ALPK3: variants seen among roughly 807,000 people sequenced by gnomAD.
ALPK3 encodes the protein alpha kinase 3.
In ALPK3, 102 loss-of-function variants were observed where a neutral mutation model predicts 140.0. The ratio of observed to expected loss-of-function variants is 0.73; its 90% CI spans 0.62 to 0.86. ALPK3 has a LOEUF of 0.86. Among genes scored for constraint, ALPK3 ranks in the 40% least tolerant of loss-of-function variants. The pLI, the probability that ALPK3 is intolerant of heterozygous loss-of-function variation, is 0.00. For missense variants in ALPK3, 2,254 were observed against 2,208.2 expected, an observed-to-expected ratio of 1.02 and a Z score of -0.42; for synonymous variants, 938 against 898.5, an observed-to-expected ratio of 1.04 and a Z score of -0.79.
intron 5 of ALPK3, among the ~76,000 whole-genome samples, chr15:84,846,015 C>T (rs925123825): frequency 2.6e-5 from 4 of 152,140 alleles, no homozygotes; most frequent in African/African-American, 9.7e-5. Flanking sequence ...TTGCAGTGAG[C>T]TGAGATCATG....
intron 12 of ALPK3, among the ~76,000 whole-genome samples, chr15:84,865,385 A>G (rs1963991416): frequency 1.3e-5 from 2 of 152,280 alleles, no homozygotes; most frequent in South Asian, 4.2e-4. Flanking sequence ...GACCAGAGAT[A>G]TAAAACGGAC....
chr15:84,818,148 A>G (rs547053907), intron 1 of ALPK3, among the ~76,000 whole-genome samples: 3 of 151,680 alleles, frequency 2.0e-5, no homozygotes, highest in Admixed American at 2.0e-4. Context: ...GGGGCTGGTG[A>G]GATAGGGGGT....
intron 5 of ALPK3, among the ~76,000 whole-genome samples, chr15:84,843,570 A>G (rs934379939): frequency 6.6e-6 from 1 of 152,182 alleles, no homozygotes; most frequent in African/African-American, 2.4e-5. Flanking sequence ...GTCTCACGGT[A>G]TTGAGTTACT....
chr15:84,868,188 G>A lies in ALPK3; in HGVS notation c.4850G>A (p.Cys1617Tyr). The A allele has an allele frequency of 6.2e-7, 1 of 1,614,154 alleles. No homozygotes were observed. The highest frequency in any genetic ancestry group is 8.5e-7 in the Non-Finnish European group (1 of 1,180,022). The change falls in exon 14 of 14, where the codon TGT becomes TAT. Residue 1617 changes from cysteine (C) to tyrosine (Y), a missense_variant. Physicochemically the swap from Cys to Tyr is radical, Grantham distance 194. This residue lies in a region of ALPK3 where 158 missense variants were observed against 159.8 expected (regional missense o/e 0.99). Coordinates refer to ENST00000258888, the MANE Select transcript of ALPK3 (RefSeq NM_020778.5). ...TCCTCCCACCAGTGCAATGCCTACT[G>A]TGAGCTGCTGGGGCTGACACCTCTC... ...FASSHQCNAY[C>Y]ELLGLTPLKG...
chr15:84,863,859 G>T (rs1026019080), intron 11 of ALPK3, among the ~76,000 whole-genome samples: 6 of 152,168 alleles, frequency 3.9e-5, no homozygotes, highest in Admixed American at 3.3e-4. Context: ...CTTGAGTCCC[G>T]CCCACCCCGG....
In ALPK3 at chr15:84,859,307, G is replaced by A. The variant is rs753497134; in HGVS notation, c.3882G>A (p.Leu1294=). The part of the protein sequence containing the change: ...QFPDASGSLK[L]WCQFFNILSD... ...CTGATGCCTCCGGTAGCCTGAAGCT[G>A]TGGTGCCAGTTTTTCAACATTCTTA... The change falls in exon 7 of 14, where the codon CTG becomes CTA. Residue 1294 remains leucine, a synonymous_variant. Transcript: ENST00000258888. 1.4e-5 allele frequency: 22 copies of A among 1,614,076 alleles called. No individual in the cohort carries two copies. In the East Asian group the frequency reaches 4.9e-4, roughly 36 times the overall value.
At chr15:84,854,393 T>A (rs1315691782) in intron 5 of ALPK3, among the ~76,000 whole-genome samples, 1 of 152,082 alleles carries the variant, frequency 6.6e-6, no homozygotes, top group African/African-American at 2.4e-5. Flanking sequence ...TTCAAGCGAT[T>A]CTCTTGCCTC....
chr15:84,866,422 T>A (rs1964004088), intron 12 of ALPK3, among the ~76,000 whole-genome samples: 1 of 152,220 alleles, frequency 6.6e-6, no homozygotes, highest in South Asian at 2.1e-4. Flanking sequence ...GTGGTAGAGC[T>A]GAAATGTAAA....
chr15:84,821,539 C>A (rs750720012), intron 1 of ALPK3, among the ~76,000 whole-genome samples: 1 of 152,176 alleles, frequency 6.6e-6, no homozygotes, highest in African/African-American at 2.4e-5. Flanking sequence ...GTTCTGCCCA[C>A]GCGGCCTCCA....
intron 5 of ALPK3, among the ~76,000 whole-genome samples, chr15:84,849,822 T>A (rs1963780790): frequency 6.6e-6 from 1 of 151,812 alleles, no homozygotes; most frequent in Non-Finnish European, 1.5e-5. Flanking sequence ...GAAATATCAA[T>A]AACCTAAGTT....
chr15:84,823,759 T>C (rs2141546371), intron 2 of ALPK3, among the ~76,000 whole-genome samples: 1 of 152,330 alleles, frequency 6.6e-6, no homozygotes, highest in East Asian at 1.9e-4. Flanking sequence ...CTCTGTCATG[T>C]TGCCCAGGCT....
At position 84,827,608 on chromosome 15, in the gene ALPK3, A is replaced by G; in HGVS notation, c.304+3A>G. ...CAGGTTCACCTGCATCGTCACAGGTAAGGATGCTGTCTGTATGCTCCATGC... is the reference window on the plus strand; with the variant it reads ...CAGGTTCACCTGCATCGTCACAGGTGAGGATGCTGTCTGTATGCTCCATGC... On this transcript the variant is annotated splice_donor_region_variant and intron_variant, in intron 3 of 13. Coordinates refer to ENST00000258888, the MANE Select transcript of ALPK3 (RefSeq NM_020778.5). 6.2e-7 allele frequency: 1 copy of G among 1,613,984 alleles called. No individual in the cohort carries two copies. The highest frequency in any genetic ancestry group is 8.5e-7 in the Non-Finnish European group (1 of 1,180,032).
rs1964075900 is a variant in ALPK3, at chr15:84,871,874, G to A, written c.*3418G>A. 1 of 152,268 alleles carries A rather than the reference G, an allele frequency of 6.6e-6. No homozygotes were observed. The highest frequency in any genetic ancestry group is 1.5e-5 in the Non-Finnish European group (1 of 68,058). The allele number at this position is 152,268 out of a possible 1,614,324, so 9.4% of individuals were successfully genotyped here. A position where few individuals can be genotyped will look rare whatever the true frequency, so the allele number is the denominator to read the frequency against. On this transcript the variant is annotated 3_prime_UTR_variant, in exon 14 of 14. Transcript: ENST00000258888. ...GCAGTATGTGAGGAGGTCACATGAT[G>A]TTTATGGCATTTGAGAATTCCATGG...
In ALPK3 at chr15:84,859,394, A is replaced by G; in HGVS notation, c.3965+4A>G. On this transcript the variant is annotated splice_donor_region_variant and intron_variant, in intron 7 of 13. Transcript: ENST00000258888. ...CAGTGGGCGAGGTGGGCAGGAGGTA[A>G]GCCAACGACACCACTGCCACCTGAC... 6.2e-7 allele frequency: 1 copy of G among 1,613,972 alleles called. No individual in the cohort carries two copies. Among genetic ancestry groups the G allele is most frequent in the South Asian group, 1.1e-5 (1 of 91,048 alleles).
intron 3 of ALPK3, 40 bp from the exon 4 acceptor site, chr15:84,838,940 A>T (rs766815653): frequency 6.3e-7 from 1 of 1,580,824 alleles, no homozygotes; most frequent in Non-Finnish European, 8.7e-7. Flanking sequence ...TTATTTTGGA[A>T]CTGGCCTTGC....
In ALPK3 at chr15:84,858,261, G is replaced by A; in HGVS notation, c.3523G>A (p.Ala1175Thr). The A allele has an allele frequency of 1.9e-6, 3 of 1,599,476 alleles. No homozygotes were observed. The highest frequency in any genetic ancestry group is 2.6e-6 in the Non-Finnish European group (3 of 1,173,162). ...GAGATTTCTCCCTAAGGTCAGAGCA[G>A]CAGGAGACGGGGAGGCAACCACACC... is the stretch of plus-strand genomic sequence containing the variant. ...RKRFLPKVRA[A>T]GDGEATTPEE... The change falls in exon 6 of 14, where the codon GCA (alanine) becomes ACA (threonine). Residue 1175 changes from alanine to threonine, a missense_variant. Around this residue, in one of 3 missense-constraint regions of ALPK3, gnomAD observed 2,088 missense variants for 2,022.9 expected, o/e 1.03. Transcript: ENST00000258888.
chr15:84,840,828 C>T lies in ALPK3; in HGVS notation c.1549C>T (p.Pro517Ser). 6.2e-7 allele frequency: 1 copy of T among 1,614,198 alleles called. No individual in the cohort carries two copies. The highest frequency in any genetic ancestry group is 8.5e-7 in the Non-Finnish European group (1 of 1,180,024). The change falls in exon 5 of 14, where the codon CCA becomes TCA. Residue 517 changes from proline (P) to serine (S), a missense_variant. Pro to Ser is a moderately conservative substitution (Grantham distance 74). Around this residue, in one of 3 missense-constraint regions of ALPK3, gnomAD observed 2,088 missense variants for 2,022.9 expected, o/e 1.03. Transcript: ENST00000258888. ...ECGAQSLGKAPPQASVQVPTP... is the reference protein window; with the variant it reads ...ECGAQSLGKASPQASVQVPTP... ...CGGGGCCCAGAGCTTAGGAAAGGCC[C>T]CACCTCAGGCCTCTGTGCAGGTGCC...
At position 84,839,876 on chromosome 15, in the gene ALPK3, C is replaced by T. The variant is rs371762258; in HGVS notation, c.597C>T (p.Ser199=). The T allele has an allele frequency of 9.3e-6, 15 of 1,614,004 alleles. No homozygotes were observed. The highest frequency in any genetic ancestry group is 1.2e-5 in the Non-Finnish European group (14 of 1,180,044). The change falls in exon 5 of 14, where the codon AGC becomes AGT. Residue 199 remains serine, a synonymous_variant. Coordinates refer to ENST00000258888, the MANE Select transcript of ALPK3 (RefSeq NM_020778.5). ...CAAAGCTGCGCGAGATCGAGCAGAG[C>T]TGGAAGCACGAGAAGGCGGTGCCTG... The part of the protein sequence containing the change: ...AAAKLREIEQ[S]WKHEKAVPGE...
Position 84,868,420 on chromosome 15 carries a change from C to G in ALPK3, c.5082C>G (p.Thr1694=), listed in dbSNP as rs771656782. Residue 1694 remains threonine, a synonymous_variant, in exon 14 of 14, where the codon ACC becomes ACG. Transcript: ENST00000258888. Reference sequence around the variant, plus strand: ...CTCAGTTGTTGGGACAGCCTCCCACCCAAGAGGAGGGCTCCAAGGCCCAGG... The same window carrying G: ...CTCAGTTGTTGGGACAGCCTCCCACGCAAGAGGAGGGCTCCAAGGCCCAGG... ...VTTQLLGQPP[T]QEEGSKAQGM... 2.7e-5 allele frequency: 44 copies of G among 1,611,558 alleles called. No homozygotes were observed. Among genetic ancestry groups the G allele is most frequent in the Non-Finnish European group, 3.6e-5 (43 of 1,179,996 alleles).
Sources: allele counts gnomAD v4.1 joint callset (sites outside exome capture counted in the v4.1 genomes callset), GRCh38; gene constraint gnomAD v4.1.1; regional missense constraint gnomAD v4.1.1; transcripts MANE v1.5; gene names NCBI Gene and HGNC (gene_info 2026-07-23, HGNC 2026-07-21).